Variants in RBMS1 observed in about 807,000 individuals in gnomAD.
RBMS1 encodes RNA binding motif single stranded interacting protein 1, also known as RNA-binding motif, single-stranded-interacting protein 1.
In RBMS1, 17 loss-of-function variants were observed where a neutral mutation model predicts 62.3. That is an observed-to-expected ratio of 0.27 (90% CI 0.19 to 0.41). The LOEUF (loss-of-function observed/expected upper bound fraction) is 0.41. Among genes scored for constraint, RBMS1 ranks in the 10% least tolerant of loss-of-function variants. The pLI, the probability that RBMS1 is intolerant of heterozygous loss-of-function variation, is 1.00. For missense variants in RBMS1, 334 were observed against 504.5 expected, an observed-to-expected ratio of 0.66 and a Z score of 3.24; for synonymous variants, 172 against 170.0, an observed-to-expected ratio of 1.01 and a Z score of -0.09.
rs1165978142 is a variant in RBMS1 at position 160,358,234 on chromosome 2, T to C, written c.251+8982A>G. On this transcript the variant is annotated intron_variant, in intron 2 of 13. Transcript: ENST00000348849. ...GTTTTGCTCAGTCTCAAATGCATCA[T>C]GTGTTAAACTCTTCAACATGGAACC... is the stretch of plus-strand genomic sequence containing the variant. Among the ~76,000 whole-genome samples the C allele has an allele frequency of 2.0e-5, 3 of 152,130 alleles. No homozygotes were observed. The East Asian group carries it at 5.8e-4, about 29-fold the overall frequency.
intron 1 of RBMS1, among the ~76,000 whole-genome samples, chr2:160,424,365 TGG>T (rs58071256): frequency 0.42 from 59,771 of 140,920 alleles, 12,801 homozygotes; most frequent in Middle Eastern, 0.62. Flanking sequence ...GGTGAGAGAT[TGG>T]GGGGGGGGGG....
At chr2:160,361,064 T>C (rs973007065) in intron 2 of RBMS1, among the ~76,000 whole-genome samples, 1 of 152,268 alleles carries the variant, frequency 6.6e-6, no homozygotes, top group South Asian at 2.1e-4. Flanking sequence ...TCATATGTTT[T>C]ACTGCACTTG....
In RBMS1 at chr2:160,360,051, C is replaced by T. The variant is rs576425081; in HGVS notation, c.251+7165G>A. Among the ~76,000 whole-genome samples, 10 of 152,270 alleles carry T rather than the reference C, an allele frequency of 6.6e-5. No homozygotes were observed. In the East Asian group the frequency reaches 1.4e-3, roughly 21 times the overall value. The stretch of plus-strand genomic sequence containing the variant: ...GCAGTGAGCTGATCACACCACTGCA[C>T]TCCAGCCTAGGCAACAGAGTGAGAC... On this transcript the variant is annotated intron_variant, in intron 2 of 13. Transcript: ENST00000348849.
chr2:160,480,282 G>A (rs1211437081), intron 1 of RBMS1, among the ~76,000 whole-genome samples: 2 of 152,012 alleles, frequency 1.3e-5, no homozygotes, highest in East Asian at 3.9e-4. Flanking sequence ...GAGTATAAAG[G>A]GGAAATACAG....
chr2:160,470,133 A>G (rs1281194262), intron 1 of RBMS1, among the ~76,000 whole-genome samples: 2 of 152,208 alleles, frequency 1.3e-5, no homozygotes, highest in East Asian at 3.9e-4. Context: ...CACACTCCCC[A>G]ATATTATTCT....
chr2:160,493,104 C>A (rs1484179585), intron 1 of RBMS1, 185 bp downstream of exon 1: 3 of 575,736 alleles, frequency 5.2e-6, no homozygotes, highest in Non-Finnish European at 8.9e-6. Context: ...CACTCCGCTC[C>A]CAGGGAAGCC....
At chr2:160,337,595 T>C (rs1691648522) in intron 2 of RBMS1, among the ~76,000 whole-genome samples, 2 of 152,106 alleles carry the variant, frequency 1.3e-5, no homozygotes, top group Non-Finnish European at 2.9e-5. Flanking sequence ...AATTATAATA[T>C]ATGACTTGAG....
intron 1 of RBMS1, among the ~76,000 whole-genome samples, chr2:160,458,865 A>G (rs12692605): frequency 0.21 from 32,260 of 152,012 alleles, 4,019 homozygotes; most frequent in Admixed American, 0.37. Flanking sequence ...CTATATGCAC[A>G]GTTATGGAGA....
In RBMS1 at chr2:160,304,275, A is replaced by C. The variant is rs542783040; in HGVS notation, c.403-788T>G. On this transcript the variant is annotated intron_variant, in intron 4 of 13. Transcript: ENST00000348849. ...CTTAAGCAGTGCTAAAAGCAAGGAG[A>C]ATAATTATGTAACTGTAGGCAAAAG... 2.0e-5 allele frequency among the ~76,000 whole-genome samples: 3 copies of C among 152,236 alleles called. No individual in the cohort carries two copies. In the East Asian group the frequency reaches 5.8e-4, roughly 29 times the overall value.
intron 1 of RBMS1, among the ~76,000 whole-genome samples, chr2:160,372,055 A>G (rs555354840): frequency 2.2e-4 from 33 of 152,346 alleles, no homozygotes; most frequent in Admixed American, 1.8e-3. Context: ...ATAGATTTCT[A>G]TGCAGCAAAG....
intron 13 of RBMS1, among the ~76,000 whole-genome samples, chr2:160,274,967 T>G (rs1275623932): frequency 1.3e-5 from 2 of 152,228 alleles, no homozygotes; most frequent in African/African-American, 4.8e-5. Context: ...AAATACTTTC[T>G]TTTCTAATTT....
intron 1 of RBMS1, among the ~76,000 whole-genome samples, chr2:160,397,918 T>TC (rs1201857970): frequency 5.3e-5 from 8 of 152,004 alleles, no homozygotes; most frequent in African/African-American, 1.9e-4. Context: ...TGCCTAAGGC[T>TC]CCCCCCTACT....
intron 2 of RBMS1, among the ~76,000 whole-genome samples, chr2:160,349,207 G>C (rs1692348033): frequency 6.6e-6 from 1 of 152,106 alleles, no homozygotes; most frequent in South Asian, 2.1e-4. Flanking sequence ...GAGAGGAAAT[G>C]AGGTGGTACA....
chr2:160,300,855 T>C, intron 5 of RBMS1, 125 bp from the exon 6 acceptor site: 1 of 1,106,738 alleles, frequency 9.0e-7, no homozygotes, highest in African/African-American at 1.6e-5. Flanking sequence ...AAAATGTGAA[T>C]ATGATAAAGG....
chr2:160,484,603 G>A (rs1685513352), intron 1 of RBMS1, among the ~76,000 whole-genome samples: 2 of 151,882 alleles, frequency 1.3e-5, no homozygotes, highest in Non-Finnish European at 2.9e-5. Flanking sequence ...GGGCGCGGTG[G>A]CTCACGCCTG....
At chr2:160,344,512 T>A (rs771578088) in intron 2 of RBMS1, among the ~76,000 whole-genome samples, 1 of 152,164 alleles carries the variant, frequency 6.6e-6, no homozygotes, top group African/African-American at 2.4e-5. Flanking sequence ...TCATTCTTAA[T>A]GAACACTTTA....
intron 1 of RBMS1, among the ~76,000 whole-genome samples, chr2:160,399,984 A>G (rs1179192738): frequency 7.2e-5 from 11 of 152,186 alleles, no homozygotes; most frequent in Admixed American, 6.5e-4. Context: ...GTAAGAAACA[A>G]ACAAGGTAAG....
intron 1 of RBMS1, among the ~76,000 whole-genome samples, chr2:160,473,815 A>G (rs536610353): frequency 5.3e-5 from 8 of 152,088 alleles, no homozygotes; most frequent in Non-Finnish European, 1.0e-4. Flanking sequence ...CTTCTCCTCT[A>G]TTACTTGAGT....
intron 1 of RBMS1, among the ~76,000 whole-genome samples, chr2:160,431,246 A>T (rs1196514358): frequency 2.0e-5 from 3 of 151,032 alleles, no homozygotes; most frequent in Admixed American, 6.6e-5. Flanking sequence ...GAATAAACTA[A>T]GTGGTCCACA....
Sources: gnomAD v4.1 joint callset for allele counts (sites outside exome capture counted in the v4.1 genomes callset) on GRCh38, gnomAD v4.1.1 for gene constraint, MANE v1.5 for transcripts, NCBI Gene and HGNC (gene_info 2026-07-23, HGNC 2026-07-21) for gene names.